DEFB112: variants seen among roughly 807,000 people sequenced by gnomAD.
DEFB112 encodes the protein defensin beta 112, also known as beta-defensin 112.
Under a neutral mutation model 1.1 loss-of-function variants are expected in DEFB112, and 2 were observed. That is an observed-to-expected ratio of 1.85 (90% CI 0.76 to 5.83). The LOEUF is 5.83. Ranked by LOEUF, DEFB112 falls within the 30% of genes most tolerant of loss-of-function variation. The pLI, the probability that DEFB112 is intolerant of heterozygous loss-of-function variation, is 0.05. For synonymous variants in DEFB112, 40 were observed against 31.2 expected, an observed-to-expected ratio of 1.28 and a Z score of -0.93; for missense variants, 120 against 94.4, an observed-to-expected ratio of 1.27 and a Z score of -1.12.
At chr6:50,046,101 C>A (rs1490421321) in intron 1 of DEFB112, among the ~76,000 whole-genome samples, 1 of 151,880 alleles carries the variant, frequency 6.6e-6, no homozygotes, top group African/African-American at 2.4e-5. Flanking sequence ...ATGTTTAAGC[C>A]AGGGTAAGCT....
chr6:50,048,711 G>T, intron 1 of DEFB112: 6 of 1,219,522 alleles, frequency 4.9e-6, no homozygotes, highest in Non-Finnish European at 5.9e-6. Flanking sequence ...TTTAAAAGTA[G>T]GAGGAAAAAT....
chr6:50,043,686 T>C lies in DEFB112; in HGVS notation c.174A>G (p.Arg58=), dbSNP rs753372967. ...DSEFRISYCA[R]PTTHCCVTEC... ...CTGTCACGCAGCAATGAGTTGTAGG[T>C]CTTGCACAGTATGAAATCCTAAATT... The change falls in exon 2 of 2, where the codon AGA becomes AGG. Residue 58 remains arginine (R), a synonymous_variant. Coordinates refer to ENST00000651554, the MANE Select transcript of DEFB112 (RefSeq NM_001369057.2). 1.4e-4 allele frequency: 233 copies of C among 1,613,474 alleles called. 5 individuals carry two copies. The South Asian group carries it at 2.3e-3, about 16-fold the overall frequency.
intron 1 of DEFB112, among the ~76,000 whole-genome samples, chr6:50,046,187 A>G (rs1016047953): frequency 1.3e-5 from 2 of 151,608 alleles, no homozygotes; most frequent in Non-Finnish European, 2.9e-5. Context: ...AAATGTCTTT[A>G]TCAAGACATA....
intron 1 of DEFB112, among the ~76,000 whole-genome samples, chr6:50,048,184 G>A (rs1774867127): frequency 6.6e-6 from 1 of 151,896 alleles, no homozygotes; most frequent in African/African-American, 2.4e-5. Context: ...CTGTTGAGTA[G>A]GAGGGAAACT....
chr6:50,048,604 G>C (rs762400186), intron 1 of DEFB112: 2 of 1,613,388 alleles, frequency 1.2e-6, no homozygotes, highest in African/African-American at 2.7e-5. Flanking sequence ...TTGTCTTTGA[G>C]TACATTTTTT....
At chr6:50,046,517 T>G (rs1016123692) in intron 1 of DEFB112, among the ~76,000 whole-genome samples, 4 of 152,166 alleles carry the variant, frequency 2.6e-5, no homozygotes, top group Non-Finnish European at 4.4e-5. Context: ...TTGAATGTTC[T>G]GTTGAATGTA....
In DEFB112 at chr6:50,042,729, G is replaced by A. The variant is rs1293446791; in HGVS notation, c.*846C>T. On this transcript the variant is annotated 3_prime_UTR_variant, in exon 2 of 2. Coordinates refer to ENST00000651554, the MANE Select transcript of DEFB112 (RefSeq NM_001369057.2). ...CCCTCAAGGCCACAATTTAGCCTTT[G>A]TTAACACATCCTTGCCACATAAATC... 2.0e-5 allele frequency among the ~76,000 whole-genome samples: 3 copies of A among 151,934 alleles called. No homozygotes were observed. Among genetic ancestry groups the A allele is most frequent in the African/African-American group, 7.2e-5 (3 of 41,392 alleles).
intron 1 of DEFB112, among the ~76,000 whole-genome samples, chr6:50,047,865 G>T (rs1374585625): frequency 6.6e-6 from 1 of 152,076 alleles, no homozygotes; most frequent in African/African-American, 2.4e-5. Context: ...TTTTGCCTTG[G>T]CCAGGCGTGG....
chr6:50,046,767 T>G (rs1489358662), intron 1 of DEFB112, among the ~76,000 whole-genome samples: 2 of 152,228 alleles, frequency 1.3e-5, no homozygotes, highest in Admixed American at 6.5e-5. Context: ...TCTACTAAGC[T>G]GATATACAAG....
chr6:50,048,424 C>T (rs1774871705), intron 1 of DEFB112: 2 of 850,872 alleles, frequency 2.4e-6, no homozygotes, highest in South Asian at 2.9e-5. Context: ...AAGACAAGAA[C>T]ATATAAGTAA....
In DEFB112 at chr6:50,042,461, C is replaced by T. The variant is rs538437436; in HGVS notation, c.*1114G>A. ...AGCCTCAACTTAAATACCTTGTTACCACATAATTTTAAGTGACTAGCTCCC... is the reference window on the plus strand; with the variant it reads ...AGCCTCAACTTAAATACCTTGTTACTACATAATTTTAAGTGACTAGCTCCC... On this transcript the variant is annotated 3_prime_UTR_variant, in exon 2 of 2. Coordinates refer to ENST00000651554, the MANE Select transcript of DEFB112 (RefSeq NM_001369057.2). Among the ~76,000 whole-genome samples, 16 of 152,076 alleles carry T rather than the reference C, an allele frequency of 1.1e-4. No homozygotes were observed. The highest frequency in any genetic ancestry group is 6.6e-4 in the Admixed American group (10 of 15,244).
At chr6:50,045,918 A>T (rs1009809657) in intron 1 of DEFB112, among the ~76,000 whole-genome samples, 1 of 152,168 alleles carries the variant, frequency 6.6e-6, no homozygotes, top group Non-Finnish European at 1.5e-5. Context: ...GAATGGTGCA[A>T]AAAAGACATA....
intron 1 of DEFB112, chr6:50,048,495 G>A: frequency 1.3e-6 from 2 of 1,507,586 alleles, no homozygotes; most frequent in East Asian, 2.3e-5. Flanking sequence ...AAAAAGTATT[G>A]ATTAAAATGT....
chr6:50,042,679 T>C lies in DEFB112; in HGVS notation c.*896A>G, dbSNP rs1424226334. 1.3e-5 allele frequency among the ~76,000 whole-genome samples: 2 copies of C among 151,958 alleles called. No homozygotes were observed. Among genetic ancestry groups the C allele is most frequent in the Admixed American group, 1.3e-4 (2 of 15,208 alleles). On this transcript the variant is annotated 3_prime_UTR_variant, in exon 2 of 2. Coordinates refer to ENST00000651554, the MANE Select transcript of DEFB112 (RefSeq NM_001369057.2). ...GGGAAAATCTTTAATCTAGGTGAGG[T>C]ATTAAGACCAACTGCTGACCCTTTC... is the stretch of plus-strand genomic sequence containing the variant.
Position 50,042,881 on chromosome 6 carries a change from A to C in DEFB112, c.*694T>G, listed in dbSNP as rs1346799292. Among the ~76,000 whole-genome samples the C allele has an allele frequency of 6.6e-6, 1 of 152,076 alleles. No individual in the cohort carries two copies. Among genetic ancestry groups the C allele is most frequent in the Non-Finnish European group, 1.5e-5 (1 of 67,958 alleles). ...TAAGACACCAATAAGTAGCATGATA[A>C]GAATCATCTGATAATATGTGGAAAC... On this transcript the variant is annotated 3_prime_UTR_variant, in exon 2 of 2. Transcript: ENST00000651554.
Position 50,043,631 on chromosome 6 carries a change from T to G in DEFB112, c.229A>C (p.Ile77Leu). The G allele has an allele frequency of 6.2e-7, 1 of 1,613,538 alleles. No individual in the cohort carries two copies. Among genetic ancestry groups the G allele is most frequent in the Non-Finnish European group, 8.5e-7 (1 of 1,179,600 alleles). Residue 77 changes from isoleucine (I) to leucine (L), a missense_variant, in exon 2 of 2, where the codon ATC becomes CTC. Coordinates refer to ENST00000651554, the MANE Select transcript of DEFB112 (RefSeq NM_001369057.2). Reference protein sequence around the residue: ...ECDPTDPNNWIPKDSVGTQEW... With the variant: ...ECDPTDPNNWLPKDSVGTQEW... ...TGAGTCCCTACTGAGTCCTTTGGGA[T>G]CCAATTATTTGGGTCCGTAGGGTCA...
chr6:50,046,252 T>TGTGTGTGTGC (rs1774831860), intron 1 of DEFB112, among the ~76,000 whole-genome samples: 2 of 151,656 alleles, frequency 1.3e-5, no homozygotes, highest in African/African-American at 4.8e-5. Flanking sequence ...TGTGTGTGTG[T>TGTGTGTGTGC]GTGTGTGTAT....
At chr6:50,045,052 A>T (rs925427961) in intron 1 of DEFB112, among the ~76,000 whole-genome samples, 3 of 152,078 alleles carry the variant, frequency 2.0e-5, no homozygotes, top group African/African-American at 7.2e-5. Context: ...GTACTCAGTC[A>T]TCTAGGAGAC....
intron 1 of DEFB112, chr6:50,048,789 T>C: frequency 1.7e-6 from 1 of 595,112 alleles, no homozygotes; most frequent in South Asian, 2.3e-5. Flanking sequence ...TAAAAGGTTT[T>C]ACAAAATGAT....
Sources: gnomAD v4.1 joint callset for allele counts (sites outside exome capture counted in the v4.1 genomes callset) on GRCh38, gnomAD v4.1.1 for gene constraint, MANE v1.5 for transcripts, NCBI Gene and HGNC (gene_info 2026-07-23, HGNC 2026-07-21) for gene names.